The following UNC5D variants were observed in gnomAD, a reference collection of about 807,000 sequenced individuals.
UNC5D encodes the protein unc-5 netrin receptor D.
UNC5D carries 39 observed loss-of-function variants against 105.4 expected under a neutral mutation model. That is an observed-to-expected ratio of 0.37 (90% CI 0.29 to 0.48). The LOEUF is 0.48. UNC5D is among the 20% of genes least tolerant of loss of function. The pLI is 0.98. For missense variants in UNC5D, 991 were observed against 1,202.4 expected, an observed-to-expected ratio of 0.82 and a Z score of 2.60; for synonymous variants, 452 against 450.4, an observed-to-expected ratio of 1.00 and a Z score of -0.04.
chr8:35,447,993 T>C (rs1417097239), intron 1 of UNC5D, among the ~76,000 whole-genome samples: 1 of 152,106 alleles, frequency 6.6e-6, no homozygotes, highest in Non-Finnish European at 1.5e-5. Context: ...CATTTTTATA[T>C]CTCTTTTCCA....
intron 1 of UNC5D, among the ~76,000 whole-genome samples, chr8:35,429,697 C>A (rs958254706): frequency 7.9e-5 from 12 of 152,064 alleles, no homozygotes; most frequent in Non-Finnish European, 1.3e-4. Context: ...AAAGAGTATT[C>A]TTTGAGGTTT....
intron 1 of UNC5D, among the ~76,000 whole-genome samples, chr8:35,243,521 A>C (rs1293673889): frequency 6.6e-6 from 1 of 152,212 alleles, no homozygotes; most frequent in Non-Finnish European, 1.5e-5. Context: ...TTTGTTAAAT[A>C]AGAGGCCTTT....
Position 35,235,882 on chromosome 8 carries a change from C to T in UNC5D, c.98C>T (p.Ala33Val). The T allele has an allele frequency of 8.1e-7, 1 of 1,227,700 alleles. No individual in the cohort carries two copies. The highest frequency in any genetic ancestry group is 1.0e-6 in the Non-Finnish European group (1 of 985,572). The allele number at this position is 1,227,700 out of a possible 1,614,324, so 76.1% of individuals were successfully genotyped here. A position where few individuals can be genotyped will look rare whatever the true frequency, so the allele number is the denominator to read the frequency against. The change falls in exon 1 of 17, where the codon GCC becomes GTC. Residue 33 changes from alanine to valine, a missense_variant. This residue lies in a region of UNC5D where 944 missense variants were observed against 1,131.6 expected (regional missense o/e 0.83). Coordinates refer to ENST00000404895, the MANE Select transcript of UNC5D (RefSeq NM_080872.4). ...TTCTGGGCGGCAGGGACCGCGGCTG[C>T]CCGAGGTAAGCGCTGGGCGGAGCGG... ...LCFWAAGTAA[A>V]RGTDNGEALP...
At chr8:35,567,509 T>C (rs1817434749) in intron 2 of UNC5D, among the ~76,000 whole-genome samples, 1 of 152,162 alleles carries the variant, frequency 6.6e-6, no homozygotes, top group Non-Finnish European at 1.5e-5. Flanking sequence ...AAATACTTAT[T>C]TCAACTTGTC....
At chr8:35,558,144 A>AAAC (rs1397588135) in intron 2 of UNC5D, among the ~76,000 whole-genome samples, 3 of 151,554 alleles carry the variant, frequency 2.0e-5, no homozygotes, top group Non-Finnish European at 4.4e-5. Flanking sequence ...AAAAAAAAAA[A>AAAC]AAGTCTCCCC....
rs367970408 is a variant in UNC5D, at chr8:35,239,677, A to C, written c.103+3790A>C. Among the ~76,000 whole-genome samples, 11 of 151,880 alleles carry C rather than the reference A, an allele frequency of 7.2e-5. No homozygotes were observed. In the East Asian group the frequency reaches 1.6e-3, roughly 21 times the overall value. On this transcript the variant is annotated intron_variant, in intron 1 of 16. Coordinates refer to ENST00000404895, the MANE Select transcript of UNC5D (RefSeq NM_080872.4). ...CAGATGTGCCCTCCTTCTTGATTAC[A>C]CCTTTGCCATTAATGCTGATTGTCC...
intron 11 of UNC5D, among the ~76,000 whole-genome samples, chr8:35,733,586 C>G (rs1400246478): frequency 1.3e-5 from 2 of 152,190 alleles, no homozygotes; most frequent in Admixed American, 6.5e-5. Context: ...TATGGACTCT[C>G]CATCACCTCC....
At chr8:35,464,548 ATTTTTCACTAG>A (rs1273179027) in intron 1 of UNC5D, among the ~76,000 whole-genome samples, 1 of 152,034 alleles carries the variant, frequency 6.6e-6, no homozygotes, top group Non-Finnish European at 1.5e-5. Flanking sequence ...TGCAGCTTTC[ATTTTTCACTAG>A]TTTTTCTTTT....
At chr8:35,498,084 C>CAAAAAAAAAAAA (rs58175711) in intron 1 of UNC5D, among the ~76,000 whole-genome samples, 27 of 58,186 alleles carry the variant, frequency 4.6e-4, no homozygotes, top group Non-Finnish European at 5.6e-4. Flanking sequence ...CAAAACAAAA[C>CAAAAAAAAAAAA]AAAAAAAAAA....
At chr8:35,558,709 G>A (rs1449375439) in intron 2 of UNC5D, among the ~76,000 whole-genome samples, 1 of 152,150 alleles carries the variant, frequency 6.6e-6, no homozygotes, top group Non-Finnish European at 1.5e-5. Context: ...CAGGCCGGGC[G>A]CAGTGGCTCA....
chr8:35,684,142 A>C (rs1278688620), intron 5 of UNC5D, among the ~76,000 whole-genome samples: 1 of 152,156 alleles, frequency 6.6e-6, no homozygotes, highest in Non-Finnish European at 1.5e-5. Context: ...AAAAACAAAC[A>C]ATACTATTTG....
intron 1 of UNC5D, among the ~76,000 whole-genome samples, chr8:35,260,464 C>CTTA (rs1176054355): frequency 4.6e-5 from 7 of 152,100 alleles, no homozygotes; most frequent in African/African-American, 1.7e-4. Flanking sequence ...TTTATTTATG[C>CTTA]TTATTATTAT....
At chr8:35,381,206 G>A (rs903400552) in intron 1 of UNC5D, among the ~76,000 whole-genome samples, 8 of 152,152 alleles carry the variant, frequency 5.3e-5, no homozygotes, top group Non-Finnish European at 8.8e-5. Flanking sequence ...AAGAGAAAAC[G>A]TCTAGGAATT....
intron 2 of UNC5D, among the ~76,000 whole-genome samples, chr8:35,552,594 A>T (rs1586115317): frequency 6.6e-6 from 1 of 152,348 alleles, no homozygotes; most frequent in African/African-American, 2.4e-5. Flanking sequence ...GCACTGTTAG[A>T]CAAAAGTTTA....
chr8:35,250,739 C>T (rs972871312), intron 1 of UNC5D, among the ~76,000 whole-genome samples: 16 of 152,102 alleles, frequency 1.1e-4, no homozygotes, highest in East Asian at 5.8e-4. Flanking sequence ...TCAGGCAATC[C>T]GCCCGCCTCG....
intron 4 of UNC5D, among the ~76,000 whole-genome samples, chr8:35,673,974 C>T (rs897454653): frequency 6.6e-6 from 1 of 152,166 alleles, no homozygotes; most frequent in African/African-American, 2.4e-5. Flanking sequence ...GCTAGCTTGA[C>T]TTGGCATGAC....
chr8:35,260,925 C>T (rs2128821530), intron 1 of UNC5D, among the ~76,000 whole-genome samples: 1 of 152,254 alleles, frequency 6.6e-6, no homozygotes, highest in Non-Finnish European at 1.5e-5. Flanking sequence ...TGACTGTTTC[C>T]AGAATGATCT....
chr8:35,396,887 G>C (rs766230221), intron 1 of UNC5D, among the ~76,000 whole-genome samples: 2 of 151,388 alleles, frequency 1.3e-5, no homozygotes, highest in Non-Finnish European at 2.9e-5. Flanking sequence ...CTGAGCCCAA[G>C]GGTTTTTTTG....
intron 1 of UNC5D, among the ~76,000 whole-genome samples, chr8:35,258,258 A>T (rs1804218977): frequency 6.6e-6 from 1 of 152,258 alleles, no homozygotes; most frequent in South Asian, 2.1e-4. Flanking sequence ...ATCCTGTTTC[A>T]TCAGGGCAGA....
Sources: gnomAD v4.1 joint callset for allele counts (sites outside exome capture counted in the v4.1 genomes callset) on GRCh38, gnomAD v4.1.1 for gene constraint, gnomAD v4.1.1 regional missense constraint, MANE v1.5 for transcripts, NCBI Gene and HGNC (gene_info 2026-07-23, HGNC 2026-07-21) for gene names.